ARHGEF38: variants seen among roughly 807,000 people sequenced by gnomAD.
ARHGEF38 encodes Rho guanine nucleotide exchange factor (GEF) 38.
Under a neutral mutation model 79.9 loss-of-function variants are expected in ARHGEF38, and 79 were observed. The observed-to-expected ratio is 0.99, with a 90% CI of 0.82 to 1.19. ARHGEF38 has a LOEUF of 1.19. Ranked by LOEUF, ARHGEF38 falls within the 50% of genes most tolerant of loss-of-function variation. The pLI is 0.00. For missense variants in ARHGEF38, 962 were observed against 907.2 expected (o/e 1.06, Z -0.78); for synonymous variants, 366 against 328.3 (o/e 1.11, Z -1.24).
chr4:105,671,995 A>G (rs575523246), intron 13 of ARHGEF38, among the ~76,000 whole-genome samples: 4 of 152,274 alleles, frequency 2.6e-5, no homozygotes, highest in Admixed American at 2.0e-4. Context: ...CAAAAAGGAC[A>G]GGTGGCCTCT....
At position 105,659,267 on chromosome 4, in the gene ARHGEF38, G is replaced by C; in HGVS notation, c.1447G>C (p.Ala483Pro). The change falls in exon 10 of 14, where the codon GCT becomes CCT. Residue 483 changes from alanine (A) to proline (P), a missense_variant. Ala to Pro is a conservative substitution (Grantham distance 27, BLOSUM62 -1). Transcript: ENST00000420470. Reference sequence around the variant, plus strand: ...GGAGGAGCTCCAGGCATTCAACCAGGCTGCTCGGAAGATTCTGTTGAACTG... The same window carrying C: ...GGAGGAGCTCCAGGCATTCAACCAGCCTGCTCGGAAGATTCTGTTGAACTG... ...LVEELQAFNQAARKILLNCLC... is the reference protein window; with the variant it reads ...LVEELQAFNQPARKILLNCLC... 6 of 1,536,074 alleles carry C rather than the reference G, an allele frequency of 3.9e-6. No individual in the cohort carries two copies. Among genetic ancestry groups the C allele is most frequent in the Non-Finnish European group, 4.4e-6 (5 of 1,146,882 alleles).
At chr4:105,640,531 G>A (rs1729576538) in intron 5 of ARHGEF38, among the ~76,000 whole-genome samples, 1 of 152,060 alleles carries the variant, frequency 6.6e-6, no homozygotes. Flanking sequence ...AGTTGGACTG[G>A]TGACACCAGG....
intron 5 of ARHGEF38, among the ~76,000 whole-genome samples, chr4:105,644,171 G>A (rs71599064): frequency 8.4e-4 from 127 of 151,932 alleles, no homozygotes; most frequent in Non-Finnish European, 1.6e-3. Flanking sequence ...CCTGGCCCCC[G>A]ACCCTTTCTA....
At chr4:105,571,894 A>G (rs1175901188) in intron 1 of ARHGEF38, among the ~76,000 whole-genome samples, 2 of 152,210 alleles carry the variant, frequency 1.3e-5, no homozygotes, top group African/African-American at 2.4e-5. Context: ...TTGATGCAGC[A>G]TACATATGGT....
At chr4:105,613,625 C>T in intron 3 of ARHGEF38, 118 bp downstream of exon 3, 2 of 1,102,152 alleles carry the variant, frequency 1.8e-6, no homozygotes, top group South Asian at 1.7e-5. Context: ...TATATAAATG[C>T]TAAACCCATC....
intron 10 of ARHGEF38, 31 bp downstream of exon 10, chr4:105,659,396 C>G: frequency 6.6e-7 from 1 of 1,513,328 alleles, no homozygotes; most frequent in Non-Finnish European, 8.8e-7. Context: ...TAGCTAGCTA[C>G]CTTGGCCTAC....
At chr4:105,654,724 T>C (rs1730252031) in intron 8 of ARHGEF38, among the ~76,000 whole-genome samples, 1 of 152,198 alleles carries the variant, frequency 6.6e-6, no homozygotes, top group African/African-American at 2.4e-5. Flanking sequence ...TGGAGTACAG[T>C]ATGATTATGC....
intron 6 of ARHGEF38, among the ~76,000 whole-genome samples, chr4:105,647,870 T>C (rs1373551897): frequency 1.3e-5 from 2 of 151,126 alleles, no homozygotes; most frequent in African/African-American, 4.9e-5. Flanking sequence ...GGCACAGTTG[T>C]CTTGTCTTTT....
intron 1 of ARHGEF38, among the ~76,000 whole-genome samples, chr4:105,584,650 T>C (rs963226520): frequency 9.2e-5 from 14 of 152,224 alleles, no homozygotes; most frequent in Non-Finnish European, 1.6e-4. Context: ...TATGTCTATC[T>C]ATCTATAGCT....
chr4:105,591,538 T>C (rs574247726), intron 2 of ARHGEF38, among the ~76,000 whole-genome samples: 11 of 152,274 alleles, frequency 7.2e-5, no homozygotes, highest in Admixed American at 2.6e-4. Flanking sequence ...CTCAGAAATA[T>C]TTTTTAAAAA....
intron 1 of ARHGEF38, among the ~76,000 whole-genome samples, chr4:105,556,103 T>A (rs1360394852): frequency 5.3e-5 from 8 of 152,326 alleles, no homozygotes; most frequent in African/African-American, 1.9e-4. Flanking sequence ...TTCAGTTGAC[T>A]AGCATTTATT....
At position 105,679,602 on chromosome 4, in the gene ARHGEF38, A is replaced by G; in HGVS notation, c.*1665A>G. The stretch of plus-strand genomic sequence containing the variant: ...TATCAGTATCTGAGCTGATGGTTGG[A>G]AAAAAATCAACAGCAGCATAAGAAA... On this transcript the variant is annotated 3_prime_UTR_variant, in exon 14 of 14. Transcript: ENST00000420470. The G allele has an allele frequency of 2.3e-6, 2 of 877,202 alleles. No homozygotes were observed. The highest frequency in any genetic ancestry group is 3.4e-5 in the Admixed American group (2 of 58,076). 54.3% of individuals were successfully genotyped at this position (877,202 alleles called of 1,614,324 possible).
chr4:105,632,809 G>A (rs1313563374), intron 4 of ARHGEF38: 1 of 152,238 alleles, frequency 6.6e-6, no homozygotes, highest in African/African-American at 2.4e-5. Context: ...CTTTAGGCAT[G>A]CGCTTCTAAC....
chr4:105,634,117 A>G (rs961204565), intron 4 of ARHGEF38, among the ~76,000 whole-genome samples: 5 of 152,298 alleles, frequency 3.3e-5, no homozygotes, highest in South Asian at 2.1e-4. Flanking sequence ...AGACCAAAAA[A>G]AAATACTATT....
Position 105,636,875 on chromosome 4 carries a change from GA to G in ARHGEF38, c.674+462del, listed in dbSNP as rs371696766. ...TTTCAAGTCTTGTATGATTTATGGA[GA>G]AAAAAATCATACACATTATAGCATG... is the stretch of plus-strand genomic sequence containing the variant. On this transcript the variant is annotated intron_variant, in intron 5 of 13. Transcript: ENST00000420470. Among the ~76,000 whole-genome samples the G allele has an allele frequency of 9.6e-3, 1,465 of 151,960 alleles. 25 individuals are homozygous for G. Among genetic ancestry groups the G allele is most frequent in the African/African-American group, 0.034 (1,393 of 41,456 alleles).
intron 2 of ARHGEF38, 149 bp from the exon 3 acceptor site, chr4:105,613,235 C>A (rs1728371229): frequency 5.9e-6 from 6 of 1,020,474 alleles, no homozygotes; most frequent in South Asian, 2.9e-5. Flanking sequence ...GAAAAAAAAA[C>A]TGCACTCTAG....
At chr4:105,598,584 C>G (rs1169560795) in intron 2 of ARHGEF38, among the ~76,000 whole-genome samples, 1 of 152,080 alleles carries the variant, frequency 6.6e-6, no homozygotes, top group Non-Finnish European at 1.5e-5. Context: ...TACAAATATT[C>G]TTCAATCCTT....
In ARHGEF38 at chr4:105,631,218, CT is replaced by C. The variant is rs55893297; in HGVS notation, c.656+180del. Reference sequence around the variant, plus strand: ...CTGACATGCCAGAAGCCCTGATTGACTTTTTTTCCCCCTGCGAGAATGACTA... The same window carrying C: ...CTGACATGCCAGAAGCCCTGATTGACTTTTTTCCCCCTGCGAGAATGACTA... On this transcript the variant is annotated intron_variant, in intron 4 of 13. Coordinates refer to ENST00000420470, the MANE Select transcript of ARHGEF38 (RefSeq NM_001242729.2). 1.8e-3 allele frequency: 2,302 copies of C among 1,257,266 alleles called. 28 individuals are homozygous for C. In the African/African-American group the frequency reaches 0.028, roughly 15 times the overall value. The allele number at this position is 1,257,266 out of a possible 1,614,324, so 77.9% of individuals were successfully genotyped here.
intron 1 of ARHGEF38, among the ~76,000 whole-genome samples, chr4:105,555,815 T>A (rs1037926230): frequency 1.3e-5 from 2 of 152,210 alleles, no homozygotes; most frequent in African/African-American, 4.8e-5. Flanking sequence ...GATTTTTCTT[T>A]GGTGCTCTTG....
Sources: gnomAD v4.1 joint callset for allele counts (sites outside exome capture counted in the v4.1 genomes callset) on GRCh38, gnomAD v4.1.1 for gene constraint, MANE v1.5 for transcripts, NCBI Gene and HGNC (gene_info 2026-07-23, HGNC 2026-07-21) for gene names.